The following PDE10A variants were observed in gnomAD, a reference collection of about 807,000 sequenced individuals.
PDE10A encodes phosphodiesterase 10A.
Under a neutral mutation model 97.7 loss-of-function variants are expected in PDE10A, and 39 were observed. The observed-to-expected ratio is 0.40, with a 90% confidence interval of 0.31 to 0.52. The LOEUF (loss-of-function observed/expected upper bound fraction) is 0.52, where lower values mean the gene tolerates loss of function less well. Ranked by LOEUF, PDE10A falls within the 20% of genes least tolerant of loss-of-function variation. PDE10A has a pLI of 0.56. For synonymous variants in PDE10A, 371 were observed against 376.8 expected, an observed-to-expected ratio of 0.98 and a Z score of 0.18; for missense variants, 731 against 1,047.8, an observed-to-expected ratio of 0.70 and a Z score of 4.17.
chr6:165,858,610 C>T (rs1017801209), intron 1 of PDE10A, among the ~76,000 whole-genome samples: 6 of 152,214 alleles, frequency 3.9e-5, no homozygotes, highest in Non-Finnish European at 8.8e-5. Flanking sequence ...AGGTATCCAC[C>T]TCATCTGATG....
chr6:165,703,978 A>G (rs940802445), intron 1 of PDE10A, among the ~76,000 whole-genome samples: 3 of 152,238 alleles, frequency 2.0e-5, no homozygotes, highest in Admixed American at 6.5e-5. Context: ...TGCAGCTTCC[A>G]GCATTTTCTT....
At chr6:165,870,358 A>C (rs980811718) in intron 1 of PDE10A, among the ~76,000 whole-genome samples, 1 of 152,208 alleles carries the variant, frequency 6.6e-6, no homozygotes, top group African/African-American at 2.4e-5. Flanking sequence ...AATGCTCAAG[A>C]TCACTAATCA....
At chr6:165,556,203 T>C (rs1784246102) in intron 1 of PDE10A, among the ~76,000 whole-genome samples, 2 of 152,248 alleles carry the variant, frequency 1.3e-5, no homozygotes. Context: ...TCAGTACCTC[T>C]AATCCCTGCA....
chr6:165,849,511 G>C (rs1780514354), intron 1 of PDE10A, among the ~76,000 whole-genome samples: 2 of 152,244 alleles, frequency 1.3e-5, no homozygotes, highest in Non-Finnish European at 2.9e-5. Flanking sequence ...GTTCTCTTCT[G>C]TTCCTGACAT....
At chr6:165,829,885 G>C (rs986004056) in intron 1 of PDE10A, among the ~76,000 whole-genome samples, 1 of 152,116 alleles carries the variant, frequency 6.6e-6, no homozygotes, top group African/African-American at 2.4e-5. Context: ...GGGCTGCCAG[G>C]GAACAGCACC....
At chr6:165,619,359 C>CTAGTGTAGTGTGGTG (rs1787934864) in intron 1 of PDE10A, among the ~76,000 whole-genome samples, 1 of 18,412 alleles carries the variant, frequency 5.4e-5, no homozygotes, top group Admixed American at 5.1e-4. Flanking sequence ...GTAGTGTAGT[C>CTAGTGTAGTGTGGTG]TAGTGTAGTG....
chr6:165,641,832 T>C (rs1021660255), intron 1 of PDE10A, among the ~76,000 whole-genome samples: 1 of 152,196 alleles, frequency 6.6e-6, no homozygotes, highest in African/African-American at 2.4e-5. Context: ...AAGCAATCTT[T>C]GAAACAGAAC....
Position 165,473,257 on chromosome 6 carries a change from C to T in PDE10A, c.1023+9058G>A, listed in dbSNP as rs371325828. 9.2e-5 allele frequency among the ~76,000 whole-genome samples: 14 copies of T among 152,234 alleles called. No individual in the cohort carries two copies. In the East Asian group the frequency reaches 1.7e-3, roughly 19 times the overall value. ...AGTAAATATATGCATGTGAAGAAGACACTAGAAATAAACATTCCCAACTGA... is the reference window on the plus strand; with the variant it reads ...AGTAAATATATGCATGTGAAGAAGATACTAGAAATAAACATTCCCAACTGA... On this transcript the variant is annotated intron_variant, in intron 3 of 21. Transcript: ENST00000539869.
chr6:165,447,769 A>G (rs1407816549), intron 5 of PDE10A, among the ~76,000 whole-genome samples: 2 of 152,224 alleles, frequency 1.3e-5, no homozygotes, highest in East Asian at 3.8e-4. Flanking sequence ...AAACATTCTT[A>G]TCTGACGGTT....
chr6:165,547,759 T>C (rs182876734), intron 1 of PDE10A, among the ~76,000 whole-genome samples: 1 of 152,290 alleles, frequency 6.6e-6, no homozygotes, highest in East Asian at 1.9e-4. Flanking sequence ...CCACGCATAA[T>C]AATGCAAAAC....
chr6:165,335,964 C>A (rs967638722), intron 21 of PDE10A, among the ~76,000 whole-genome samples, 159 bp downstream of exon 21: 1 of 152,218 alleles, frequency 6.6e-6, no homozygotes, highest in African/African-American at 2.4e-5. Flanking sequence ...AGTCGTGGCC[C>A]TGGGGAAGCC....
chr6:165,649,579 C>T (rs549652286), intron 1 of PDE10A, among the ~76,000 whole-genome samples: 2 of 152,126 alleles, frequency 1.3e-5, no homozygotes, highest in Non-Finnish European at 2.9e-5. Context: ...CCCCTAGCCC[C>T]GGTATACAGC....
At position 165,804,315 on chromosome 6, in the gene PDE10A, G is replaced by T. The variant is rs576969964; in HGVS notation, c.-615+183214C>A. Among the ~76,000 whole-genome samples, 3 of 152,232 alleles carry T rather than the reference G, an allele frequency of 2.0e-5. No homozygotes were observed. The South Asian group carries it at 6.2e-4, about 32-fold the overall frequency. On this transcript the variant is annotated intron_variant, in intron 1 of 19. Coordinates refer to the PDE10A transcript ENST00000366882. ...TTGTAGTATTTTCTTCCAAATCCAC[G>T]TTAAAATGTTGACAGCTGCTACAGG...
chr6:165,532,004 C>T (rs978811916), intron 2 of PDE10A, among the ~76,000 whole-genome samples: 1 of 152,104 alleles, frequency 6.6e-6, no homozygotes, highest in Non-Finnish European at 1.5e-5. Flanking sequence ...TGAACAACAA[C>T]AATTTAAAAA....
intron 1 of PDE10A, among the ~76,000 whole-genome samples, chr6:165,669,462 G>A (rs1334937363): frequency 6.6e-6 from 1 of 152,166 alleles, no homozygotes; most frequent in African/African-American, 2.4e-5. Flanking sequence ...CCACTCCAGA[G>A]CTCCTTGGCA....
chr6:165,615,107 G>A (rs1383012254), intron 1 of PDE10A, among the ~76,000 whole-genome samples: 1 of 151,574 alleles, frequency 6.6e-6, no homozygotes, highest in Non-Finnish European at 1.5e-5. Context: ...CTACTCAGGA[G>A]GCTGAGGCAG....
intron 1 of PDE10A, among the ~76,000 whole-genome samples, chr6:165,838,944 G>T (rs1780139684): frequency 6.6e-6 from 1 of 152,174 alleles, no homozygotes; most frequent in Admixed American, 6.5e-5. Context: ...AGCTAGCTGA[G>T]TTGGTTTCTA....
chr6:165,463,617 A>C (rs1778454776), intron 3 of PDE10A, among the ~76,000 whole-genome samples: 1 of 152,212 alleles, frequency 6.6e-6, no homozygotes, highest in Non-Finnish European at 1.5e-5. Flanking sequence ...GACCGTCACA[A>C]AGCTGCCTTT....
chr6:165,758,598 C>CAGCAGCAGAAGA (rs779270626), intron 1 of PDE10A, among the ~76,000 whole-genome samples: 1 of 147,114 alleles, frequency 6.8e-6, no homozygotes, highest in African/African-American at 2.5e-5. Flanking sequence ...GAAAAAGAGG[C>CAGCAGCAGAAGA]AGCAGCAGAA....
Sources: gnomAD v4.1 joint callset for allele counts (sites outside exome capture counted in the v4.1 genomes callset) on GRCh38, gnomAD v4.1.1 for gene constraint, MANE v1.5 for transcripts, NCBI Gene and HGNC (gene_info 2026-07-23, HGNC 2026-07-21) for gene names.